PTCHD1: variants seen among roughly 807,000 people sequenced by gnomAD.
The protein encoded by PTCHD1 is patched domain containing 1.
PTCHD1 carries 3 observed loss-of-function variants against 34.6 expected under a neutral mutation model. That is an observed-to-expected ratio of 0.09 (90% confidence interval 0.04 to 0.22). The LOEUF is 0.22. Among genes scored for constraint, PTCHD1 ranks in the 10% least tolerant of loss-of-function variants. PTCHD1 has a pLI of 1.00. For missense variants in PTCHD1, 504 were observed against 685.5 expected, an observed-to-expected ratio of 0.74 and a Z score of 2.96; for synonymous variants, 305 against 283.1, an observed-to-expected ratio of 1.08 and a Z score of -0.77.
chrX:23,339,770 A>G (rs1032872349), intron 1 of PTCHD1, among the ~76,000 whole-genome samples: 2 of 112,760 alleles, frequency 1.8e-5, no homozygotes, highest in Non-Finnish European at 3.7e-5. Flanking sequence ...GAGTTTTTAC[A>G]GTTTTAAAAG....
chrX:23,379,569 C>A, intron 1 of PTCHD1, 22 bp from the exon 2 acceptor site: 1 of 1,206,007 alleles, frequency 8.3e-7, no homozygotes, highest in Non-Finnish European at 1.1e-6. Flanking sequence ...TTAATAAATG[C>A]TGTCATTTTT....
intron 1 of PTCHD1, among the ~76,000 whole-genome samples, chrX:23,353,508 G>A (rs1921706247): frequency 8.9e-6 from 1 of 112,427 alleles, no homozygotes; most frequent in South Asian, 3.7e-4. Flanking sequence ...AGAATCGCTT[G>A]AACTCAGGAG....
chrX:23,357,117 G>C (rs1338254858), intron 1 of PTCHD1, among the ~76,000 whole-genome samples: 1 of 111,843 alleles, frequency 8.9e-6, no homozygotes, highest in Non-Finnish European at 1.9e-5. Context: ...CTGCCTCTGG[G>C]GCTCTTCTTT....
intron 2 of PTCHD1, among the ~76,000 whole-genome samples, chrX:23,384,763 A>G (rs896959470): frequency 8.9e-6 from 1 of 112,266 alleles, no homozygotes; most frequent in South Asian, 3.7e-4. Flanking sequence ...AAAATGAGGG[A>G]AAAATCAGTC....
At chrX:23,347,813 C>G (rs1390321728) in intron 1 of PTCHD1, among the ~76,000 whole-genome samples, 1 of 111,136 alleles carries the variant, frequency 9.0e-6, no homozygotes, top group Non-Finnish European at 1.9e-5. Context: ...CATAACCACC[C>G]TGGGCAACAT....
chrX:23,381,964 A>G (rs1282005915), intron 2 of PTCHD1, among the ~76,000 whole-genome samples: 1 of 111,841 alleles, frequency 8.9e-6, no homozygotes, highest in Non-Finnish European at 1.9e-5. Context: ...ATGATTAGTC[A>G]CAATCTTGAA....
Position 23,392,930 on chromosome X carries a change from A to C in PTCHD1, c.1412A>C (p.Glu471Ala). 1 of 1,212,224 alleles carries C rather than the reference A, an allele frequency of 8.2e-7. No homozygotes were observed. Among genetic ancestry groups the C allele is most frequent in the South Asian group, 1.8e-5 (1 of 56,998 alleles). The change falls in exon 3 of 3, where the codon GAA becomes GCA. Residue 471 changes from glutamate (E) to alanine (A), a missense_variant. By Grantham distance (107) the Glu-to-Ala change is moderately radical. Transcript: ENST00000379361. ...GCCAGATTCAGTGAGGACACAGCTG[A>C]AGGCGAGGAAGCGAACACTTACGAG... ...LTARFSEDTA[E>A]GEEANTYESH...
At chrX:23,336,194 A>G (rs1453999637) in intron 1 of PTCHD1, among the ~76,000 whole-genome samples, 1 of 112,114 alleles carries the variant, frequency 8.9e-6, no homozygotes, top group Non-Finnish European at 1.9e-5. Flanking sequence ...AAAGCAGAGG[A>G]GTGAGGACTA....
At chrX:23,341,524 A>T (rs1921309627) in intron 1 of PTCHD1, among the ~76,000 whole-genome samples, 1 of 111,779 alleles carries the variant, frequency 8.9e-6, no homozygotes, top group Non-Finnish European at 1.9e-5. Context: ...GATACTTGAG[A>T]TAGGCTTAAA....
intron 2 of PTCHD1, among the ~76,000 whole-genome samples, chrX:23,383,152 A>G (rs1204551862): frequency 8.9e-6 from 1 of 112,340 alleles, no homozygotes; most frequent in Non-Finnish European, 1.9e-5. Flanking sequence ...TTTCCTGTGT[A>G]TAACTTAAAA....
chrX:23,387,120 AAAC>A (rs1016874045), intron 2 of PTCHD1, among the ~76,000 whole-genome samples: 27 of 112,558 alleles, frequency 2.4e-4, no homozygotes, highest in African/African-American at 8.1e-4. Flanking sequence ...ATTGAAAACC[AAAC>A]AACAACAAAA....
chrX:23,379,836 C>G lies in PTCHD1; in HGVS notation c.597C>G (p.Ser199Arg). Residue 199 changes from serine (S) to arginine (R), a missense_variant, in exon 2 of 3, where the codon AGC (serine) becomes AGG (arginine). Transcript: ENST00000379361. ...GHQLGGVTVH[S>R]KDRVKSAEAI... Reference sequence around the variant, plus strand: ...AGCTTGGGGGCGTCACTGTGCACAGCAAAGACCGGGTGAAATCTGCAGAGG... The same window carrying G: ...AGCTTGGGGGCGTCACTGTGCACAGGAAAGACCGGGTGAAATCTGCAGAGG... 1 of 1,211,534 alleles carries G rather than the reference C, an allele frequency of 8.3e-7. No individual in the cohort carries two copies. Among genetic ancestry groups the G allele is most frequent in the East Asian group, 3.0e-5 (1 of 33,839 alleles).
At chrX:23,373,754 G>C (rs1447129878) in intron 1 of PTCHD1, among the ~76,000 whole-genome samples, 2 of 112,014 alleles carry the variant, frequency 1.8e-5, no homozygotes, top group Non-Finnish European at 3.8e-5. Flanking sequence ...CTTGCGTCCT[G>C]AGTGAGGATA....
chrX:23,380,009 T>C lies in PTCHD1; in HGVS notation c.770T>C (p.Leu257Pro), dbSNP rs1408298612. ...ATGTACCCTTACACGTCCTCCTCAC[T>C]GAGGGAAGATTTCCAGAAGACCAGC... The part of the protein sequence containing the change: ...VKMYPYTSSS[L>P]REDFQKTSRV... The change falls in exon 2 of 3, where the codon CTG becomes CCG. Residue 257 changes from leucine to proline, a missense_variant. Coordinates refer to ENST00000379361, the MANE Select transcript of PTCHD1 (RefSeq NM_173495.3). The C allele has an allele frequency of 8.3e-7, 1 of 1,211,767 alleles. No individual in the cohort carries two copies. The highest frequency in any genetic ancestry group is 2.2e-5 in the Admixed American group (1 of 46,071).
At chrX:23,357,348 C>A (rs953274611) in intron 1 of PTCHD1, among the ~76,000 whole-genome samples, 2 of 111,904 alleles carry the variant, frequency 1.8e-5, no homozygotes, top group Non-Finnish European at 3.8e-5. Flanking sequence ...CCAGTACACA[C>A]CCATCAGAAT....
chrX:23,348,554 G>A (rs191002873), intron 1 of PTCHD1, among the ~76,000 whole-genome samples: 3 of 110,775 alleles, frequency 2.7e-5, no homozygotes, highest in African/African-American at 6.5e-5. Context: ...AGCCAGGGTC[G>A]GGGGGACACC....
rs1359874368 is a variant in PTCHD1 at position 23,334,900 on chromosome X, G to A, written c.25G>A (p.Gly9Ser). 1 of 1,200,285 alleles carries A rather than the reference G, an allele frequency of 8.3e-7. No individual in the cohort carries two copies. The highest frequency in any genetic ancestry group is 1.1e-6 in the Non-Finnish European group (1 of 890,153). The change falls in exon 1 of 3, where the codon GGC becomes AGC. Residue 9 changes from glycine to serine, a missense_variant. Gly to Ser is a moderately conservative substitution (Grantham distance 56, BLOSUM62 0). Coordinates refer to ENST00000379361, the MANE Select transcript of PTCHD1 (RefSeq NM_173495.3). Reference sequence around the variant, plus strand: ...GATGCTGCGGCAGGTTCTGCACAGGGGCTTGAGGACGTGTTTCTCCCGGCT... The same window carrying A: ...GATGCTGCGGCAGGTTCTGCACAGGAGCTTGAGGACGTGTTTCTCCCGGCT... Reference protein sequence around the residue: MLRQVLHRGLRTCFSRLGH... With the variant: MLRQVLHRSLRTCFSRLGH...
intron 1 of PTCHD1, among the ~76,000 whole-genome samples, chrX:23,378,387 T>G (rs1369534893): frequency 3.6e-5 from 4 of 112,123 alleles, no homozygotes; most frequent in Non-Finnish European, 5.6e-5. Context: ...TTAACTCCCT[T>G]ACTCCCACCA....
At chrX:23,350,662 CATGGAGGTG>C (rs1232333467) in intron 1 of PTCHD1, among the ~76,000 whole-genome samples, 1 of 111,094 alleles carries the variant, frequency 9.0e-6, no homozygotes. Flanking sequence ...CAAGTCAAAC[CATGGAGGTG>C]GAATTCATTG....
Sources: gnomAD v4.1 joint callset for allele counts (sites outside exome capture counted in the v4.1 genomes callset) on GRCh38, gnomAD v4.1.1 for gene constraint, MANE v1.5 for transcripts, NCBI Gene and HGNC (gene_info 2026-07-23, HGNC 2026-07-21) for gene names.